MIR2052HG: variants seen among roughly 807,000 people sequenced by gnomAD.
MIR2052HG encodes the protein MIR2052 host gene.
chr8:74,600,588 A>G (rs970190078), intron 1 of MIR2052HG, among the ~76,000 whole-genome samples: 14 of 138,022 alleles, frequency 1.0e-4, no homozygotes, highest in African/African-American at 3.2e-4. Flanking sequence ...AAGAAAAAGG[A>G]AAAAAAAAAA....
In MIR2052HG at chr8:74,736,438, G is replaced by A. The variant is rs375116420; in HGVS notation, n.372-16003G>A. On this transcript the variant is annotated intron_variant and non_coding_transcript_variant, in intron 4 of 6. Coordinates refer to ENST00000523442, the Ensembl canonical transcript of MIR2052HG. Reference sequence around the variant, plus strand: ...ATATTTTCTTGGCAGTAAATATGGGGTAGGGAAAAAATTTGTGCAAAGCCT... The same window carrying A: ...ATATTTTCTTGGCAGTAAATATGGGATAGGGAAAAAATTTGTGCAAAGCCT... 9.2e-5 allele frequency among the ~76,000 whole-genome samples: 14 copies of A among 152,268 alleles called. 1 individual carries two copies. The highest frequency in any genetic ancestry group is 2.6e-4 in the Admixed American group (4 of 15,292).
intron 4 of MIR2052HG, among the ~76,000 whole-genome samples, chr8:74,747,448 A>C (rs2128756368): frequency 6.6e-6 from 1 of 152,328 alleles, no homozygotes; most frequent in African/African-American, 2.4e-5. Context: ...AAGACAAAAC[A>C]ATGAGAGACT....
At position 74,730,130 on chromosome 8, in the gene MIR2052HG, A is replaced by G. The variant is rs151245618; in HGVS notation, n.372-22311A>G. Reference sequence around the variant, plus strand: ...GCTAGATCTCCTTTCAGTATTACTGAAGGAATCAAGTGGCAACTGACTCTA... The same window carrying G: ...GCTAGATCTCCTTTCAGTATTACTGGAGGAATCAAGTGGCAACTGACTCTA... On this transcript the variant is annotated intron_variant and non_coding_transcript_variant, in intron 4 of 6. Transcript: ENST00000523442. Among the ~76,000 whole-genome samples the G allele has an allele frequency of 5.1e-3, 783 of 152,260 alleles. 5 individuals are homozygous for G. Among genetic ancestry groups the G allele is most frequent in the African/African-American group, 0.017 (691 of 41,546 alleles).
chr8:74,711,689 G>A (rs1160062295), intron 4 of MIR2052HG, among the ~76,000 whole-genome samples: 1 of 152,168 alleles, frequency 6.6e-6, no homozygotes, highest in East Asian at 1.9e-4. Context: ...TCCAAACCAT[G>A]TTAATTTCCC....
intron 2 of MIR2052HG, among the ~76,000 whole-genome samples, chr8:74,636,260 G>A (rs1218560283): frequency 3.3e-5 from 5 of 152,134 alleles, no homozygotes; most frequent in African/African-American, 7.2e-5. Flanking sequence ...CTTGTTCCAA[G>A]TCCTGCTGGG....
chr8:74,607,438 C>A (rs1156761802), intron 1 of MIR2052HG, among the ~76,000 whole-genome samples: 1 of 152,024 alleles, frequency 6.6e-6, no homozygotes, highest in African/African-American at 2.4e-5. Context: ...ATGGCAAATC[C>A]CCGTCTCTAC....
At chr8:74,726,419 G>A (rs1257300535) in intron 4 of MIR2052HG, among the ~76,000 whole-genome samples, 1 of 152,180 alleles carries the variant, frequency 6.6e-6, no homozygotes, top group Non-Finnish European at 1.5e-5. Context: ...ACTTGTGTAA[G>A]TACCAAGCGA....
intron 4 of MIR2052HG, among the ~76,000 whole-genome samples, chr8:74,721,658 G>T (rs1174778241): frequency 6.6e-6 from 1 of 152,224 alleles, no homozygotes; most frequent in Non-Finnish European, 1.5e-5. Flanking sequence ...TTCCAAGAGG[G>T]TGAAAGGAAA....
chr8:74,716,249 G>T (rs1389186362), intron 4 of MIR2052HG, among the ~76,000 whole-genome samples: 1 of 152,172 alleles, frequency 6.6e-6, no homozygotes, highest in Non-Finnish European at 1.5e-5. Flanking sequence ...GGAGAAATGG[G>T]TGCTTGTAGT....
chr8:74,661,266 G>A (rs943692486), intron 2 of MIR2052HG, among the ~76,000 whole-genome samples: 8 of 150,620 alleles, frequency 5.3e-5, no homozygotes, highest in Non-Finnish European at 8.8e-5. Context: ...CTTATGGTGC[G>A]GTCTTGACTC....
chr8:74,753,987 C>T (rs1226983707), intron 5 of MIR2052HG, among the ~76,000 whole-genome samples: 4 of 152,148 alleles, frequency 2.6e-5, no homozygotes, highest in Non-Finnish European at 5.9e-5. Context: ...CAATAATGGG[C>T]TGATATCAAA....
intron 4 of MIR2052HG, among the ~76,000 whole-genome samples, chr8:74,707,537 A>C (rs1012790945): frequency 6.6e-6 from 1 of 151,962 alleles, no homozygotes; most frequent in Non-Finnish European, 1.5e-5. Flanking sequence ...AGTTTTATGG[A>C]TTTGTGCCCT....
At chr8:74,662,440 T>A (rs796559708) in intron 2 of MIR2052HG, among the ~76,000 whole-genome samples, 1 of 77,570 alleles carries the variant, frequency 1.3e-5, no homozygotes, top group African/African-American at 5.1e-5. Context: ...TGCTGAGGGG[T>A]GGGGGGCAAG....
chr8:74,699,976 AT>A (rs1459095776), intron 2 of MIR2052HG, among the ~76,000 whole-genome samples: 2 of 152,206 alleles, frequency 1.3e-5, no homozygotes, highest in African/African-American at 4.8e-5. Context: ...GGTAACTAAA[AT>A]TCATTAAGTG....
At chr8:74,607,778 C>G (rs1808132712) in intron 1 of MIR2052HG, among the ~76,000 whole-genome samples, 1 of 152,162 alleles carries the variant, frequency 6.6e-6, no homozygotes, top group Non-Finnish European at 1.5e-5. Context: ...AGAGCAAAGT[C>G]TGGTATAAAG....
At chr8:74,609,504 G>A (rs1586887275) in intron 1 of MIR2052HG, among the ~76,000 whole-genome samples, 1 of 151,668 alleles carries the variant, frequency 6.6e-6, no homozygotes, top group Non-Finnish European at 1.5e-5. Context: ...GAAGAAAATT[G>A]CATGCCAATA....
At chr8:74,626,229 A>G (rs796913319) in intron 2 of MIR2052HG, among the ~76,000 whole-genome samples, 10 of 152,322 alleles carry the variant, frequency 6.6e-5, no homozygotes, top group African/African-American at 2.4e-4. Flanking sequence ...ATACCTCTTT[A>G]GAGCCACTTC....
At chr8:74,670,046 T>G (rs1808973940) in intron 2 of MIR2052HG, among the ~76,000 whole-genome samples, 2 of 152,290 alleles carry the variant, frequency 1.3e-5, no homozygotes, top group Admixed American at 1.3e-4. Context: ...CTCTACCACG[T>G]GAGCACACAG....
chr8:74,720,347 C>A (rs1412919727), intron 4 of MIR2052HG, among the ~76,000 whole-genome samples: 1 of 152,146 alleles, frequency 6.6e-6, no homozygotes, highest in Non-Finnish European at 1.5e-5. Context: ...TTAGATCTAG[C>A]CTAGGTCTAT....
Sources: allele counts gnomAD v4.1 joint callset (sites outside exome capture counted in the v4.1 genomes callset), GRCh38; gene constraint gnomAD v4.1.1; transcripts MANE v1.5; gene names NCBI Gene and HGNC (gene_info 2026-07-23, HGNC 2026-07-21).